HEATR9: variants seen among roughly 807,000 people sequenced by gnomAD.
The protein encoded by HEATR9 is HEAT repeat containing 9, also known as protein HEATR9.
In HEATR9, 54 loss-of-function variants were observed where a neutral mutation model predicts 68.2. The ratio of observed to expected loss-of-function variants is 0.79; its 90% confidence interval spans 0.64 to 0.99. HEATR9 has a LOEUF of 0.99. Among genes scored for constraint, HEATR9 ranks in the 50% least tolerant of loss-of-function variants. HEATR9 has a pLI of 0.00. For missense variants in HEATR9, 662 were observed against 679.7 expected (o/e 0.97, Z 0.29); for synonymous variants, 241 against 253.5 (o/e 0.95, Z 0.47).
At position 35,867,428 on chromosome 17, in the gene HEATR9, CAAAAAAA is replaced by C. The variant is rs11315915; in HGVS notation, c.89-662_89-656del. On this transcript the variant is annotated intron_variant, in intron 1 of 14. Transcript: ENST00000604834. ...CCAGCCTGGGTAACAGAGCAAGACT[CAAAAAAA>C]AAAAAAAAAAAAAAAAAAAAAGAGA... Among the ~76,000 whole-genome samples the C allele has an allele frequency of 1.2e-3, 47 of 40,080 alleles. 1 individual carries two copies. Among genetic ancestry groups the C allele is most frequent in the East Asian group, 7.4e-3 (7 of 952 alleles). The allele number at this position is 40,080 out of a possible 152,430, so 26.3% of individuals were successfully genotyped here.
chr17:35,865,186 A>T (rs1568328017), intron 3 of HEATR9, 29 bp downstream of exon 3: 1 of 1,602,056 alleles, frequency 6.2e-7, no homozygotes, highest in Admixed American at 1.7e-5. Flanking sequence ...GTGGAGGGTG[A>T]GAAGAATATG....
intron 3 of HEATR9, 80 bp from the exon 4 acceptor site, chr17:35,864,970 G>T: frequency 1.3e-6 from 2 of 1,561,410 alleles, no homozygotes; most frequent in Non-Finnish European, 1.8e-6. Flanking sequence ...CTGCCACAGG[G>T]CTACAGCCCA....
At chr17:35,861,368 T>C in intron 8 of HEATR9, 2 of 1,580,882 alleles carry the variant, frequency 1.3e-6, no homozygotes, top group Non-Finnish European at 1.7e-6. Flanking sequence ...TCAAATGAAT[T>C]ATCCACTGTA....
In HEATR9 at chr17:35,855,846, TAG is replaced by T. The variant is rs2087752060; in HGVS notation, c.1279-98_1279-97del. 8 of 1,037,934 alleles carry T rather than the reference TAG, an allele frequency of 7.7e-6. 1 individual carries two copies. The South Asian group carries it at 7.7e-5, about 10-fold the overall frequency. 64.3% of individuals were successfully genotyped at this position (1,037,934 alleles called of 1,614,324 possible). ...AGCCCCTTTGTGAGACTCTGCAGCATAGAGAGGGGGGAGATAGGGTTTCCCAG... is the reference window on the plus strand; with the variant it reads ...AGCCCCTTTGTGAGACTCTGCAGCATAGAGGGGGGAGATAGGGTTTCCCAG... On this transcript the variant is annotated intron_variant, in intron 13 of 14. Coordinates refer to ENST00000604834, the MANE Select transcript of HEATR9 (RefSeq NM_152781.4).
chr17:35,858,646 T>C (rs1481586825), intron 9 of HEATR9, 121 bp from the exon 10 acceptor site: 7 of 940,818 alleles, frequency 7.4e-6, no homozygotes, highest in Non-Finnish European at 1.1e-5. Context: ...TTCTGCCTCT[T>C]CGCCTCTTGA....
In HEATR9 at chr17:35,864,807, GA is replaced by G. The variant is rs750234817; in HGVS notation, c.403del (p.Ser135ProfsTer4). 1.2e-5 allele frequency: 20 copies of G among 1,614,060 alleles called. No homozygotes were observed. The South Asian group carries it at 1.9e-4, about 15-fold the overall frequency. On this transcript the variant is annotated frameshift_variant, in exon 4 of 15. Transcript: ENST00000604834. LOFTEE classifies it high-confidence loss of function. ...SKLTIKSEMR[S>X]RPLEPTQDPL... The stretch of plus-strand genomic sequence containing the variant: ...GTCCTGGGTAGGCTCTAAGGGCCTG[GA>G]TCGCATCTCAGATTTTATAGTCAGC...
chr17:35,863,277 G>T, intron 7 of HEATR9, 152 bp from the exon 8 acceptor site: 1 of 1,119,944 alleles, frequency 8.9e-7, no homozygotes, highest in Non-Finnish European at 1.3e-6. Flanking sequence ...AGGGCAGCTG[G>T]CTGAATGTGA....
In HEATR9 at chr17:35,855,381, T is replaced by C. The variant is rs760828125; in HGVS notation, c.1395A>G (p.Ser465=). ...GCTTGTTTTGGATCCAGGGATCAAT[T>C]GAGGCACAAAGGATTAATGTTTCTT... ...SLQETLILCA[S]IDPWIQNKLK... Residue 465 remains serine (S), a synonymous_variant, in exon 15 of 15, where the codon TCA becomes TCG. Coordinates refer to ENST00000604834, the MANE Select transcript of HEATR9 (RefSeq NM_152781.4). 1 of 1,613,928 alleles carries C rather than the reference T, an allele frequency of 6.2e-7. No homozygotes were observed. The highest frequency in any genetic ancestry group is 1.1e-5 in the South Asian group (1 of 91,074).
intron 12 of HEATR9, among the ~76,000 whole-genome samples, chr17:35,856,528 C>T (rs368622405): frequency 6.6e-6 from 1 of 152,252 alleles, no homozygotes; most frequent in East Asian, 1.9e-4. Context: ...GGTATTATTA[C>T]TCTTTCTTTA....
intron 6 of HEATR9, chr17:35,863,881 A>G (rs937369293): frequency 3.7e-6 from 2 of 545,288 alleles, no homozygotes; most frequent in Non-Finnish European, 6.5e-6. Context: ...TAAGAGTTAA[A>G]TGAGATTATG....
At chr17:35,863,255 TC>T in intron 7 of HEATR9, 130 bp from the exon 8 acceptor site, 1 of 1,263,506 alleles carries the variant, frequency 7.9e-7, no homozygotes. Context: ...TTGCTCATCT[TC>T]CCAGGATACC....
Position 35,858,937 on chromosome 17 carries a change from T to C in HEATR9, c.890A>G (p.Glu297Gly). ...FLRPCSNMVQ[E>G]FLLQCLCQGL... ...TTGGCACAGGCACTGCAACAAGAAC[T>C]CTTGGACCATGTTGCTGCAAGGCCT... Residue 297 changes from glutamate (E) to glycine (G), a missense_variant, in exon 9 of 15, where the codon GAG (glutamate) becomes GGG (glycine). Coordinates refer to ENST00000604834, the MANE Select transcript of HEATR9 (RefSeq NM_152781.4). The C allele has an allele frequency of 6.2e-7, 1 of 1,614,160 alleles. No homozygotes were observed. The highest frequency in any genetic ancestry group is 8.5e-7 in the Non-Finnish European group (1 of 1,180,032).
intron 14 of HEATR9, 84 bp downstream of exon 14, chr17:35,855,580 G>A: frequency 7.1e-7 from 1 of 1,406,314 alleles, no homozygotes; most frequent in African/African-American, 1.4e-5. Context: ...CTCCTGACAA[G>A]GAGCAAATGG....
In HEATR9 at chr17:35,868,701, C is replaced by T. The variant is rs767358313; in HGVS notation, c.42G>A (p.Arg14=). ...EKSTDISDVS[R]SMFLYPWLEY... ...CCAGCCATGGGTACAGGAACATTGA[C>T]CTGGAGACATCAGAGATATCAGTTG... is the stretch of plus-strand genomic sequence containing the variant. The change falls in exon 1 of 15, where the codon AGG becomes AGA. Residue 14 remains arginine, a synonymous_variant. Coordinates refer to ENST00000604834, the MANE Select transcript of HEATR9 (RefSeq NM_152781.4). 1.2e-6 allele frequency: 2 copies of T among 1,614,202 alleles called. No individual in the cohort carries two copies. Among genetic ancestry groups the T allele is most frequent in the South Asian group, 2.2e-5 (2 of 91,082 alleles).
At position 35,864,514 on chromosome 17, in the gene HEATR9, G is replaced by A; in HGVS notation, c.493C>T (p.Gln165Ter). 1.9e-6 allele frequency: 3 copies of A among 1,614,070 alleles called. No individual in the cohort carries two copies. Among genetic ancestry groups the A allele is most frequent in the Non-Finnish European group, 2.5e-6 (3 of 1,179,986 alleles). ...CTTCTCACCTGTGCTGCATAGAACT[G>A]CTCATCCTCTCTGGGAGATTCCAGG... ...KSLESPREDE[Q>*]FYAAQALGCL... is the part of the protein sequence containing the mutation. Residue 165 changes from glutamine to a stop codon, truncating the protein, a stop_gained, in exon 5 of 15, where the codon CAG becomes TAG. Coordinates refer to ENST00000604834, the MANE Select transcript of HEATR9 (RefSeq NM_152781.4). LOFTEE classifies it high-confidence loss of function.
intron 11 of HEATR9, among the ~76,000 whole-genome samples, chr17:35,857,563 TC>T (rs1419463942): frequency 6.6e-6 from 1 of 152,074 alleles, no homozygotes; most frequent in African/African-American, 2.4e-5. Flanking sequence ...ATCGAGCCCA[TC>T]CTGGCTAACA....
intron 2 of HEATR9, among the ~76,000 whole-genome samples, chr17:35,866,425 A>G (rs2088200420): frequency 6.6e-6 from 1 of 152,234 alleles, no homozygotes; most frequent in Non-Finnish European, 1.5e-5. Flanking sequence ...GAGGGTTGCT[A>G]ACTGTCCCTG....
intron 8 of HEATR9, 34 bp from the exon 9 acceptor site, chr17:35,859,104 C>A: frequency 6.3e-7 from 1 of 1,586,436 alleles, no homozygotes; most frequent in South Asian, 1.1e-5. Context: ...AGGGGAGGGG[C>A]TATGTACTTT....
Position 35,868,756 on chromosome 17 carries a change from T to C in HEATR9, c.-14A>G, listed in dbSNP as rs757924444. ...TTCATAGGCCATCTTCTTCTCCTGG[T>C]GGGGCCAGAGGGAACCTGCAGGGGG... is the stretch of plus-strand genomic sequence containing the variant. On this transcript the variant is annotated 5_prime_UTR_variant, in exon 1 of 15. Coordinates refer to ENST00000604834, the MANE Select transcript of HEATR9 (RefSeq NM_152781.4). The C allele has an allele frequency of 1.9e-6, 3 of 1,613,556 alleles. No individual in the cohort carries two copies. Among genetic ancestry groups the C allele is most frequent in the Non-Finnish European group, 2.5e-6 (3 of 1,179,714 alleles).
Sources: gnomAD v4.1 joint callset for allele counts (sites outside exome capture counted in the v4.1 genomes callset) on GRCh38, gnomAD v4.1.1 for gene constraint, MANE v1.5 for transcripts, NCBI Gene and HGNC (gene_info 2026-07-23, HGNC 2026-07-21) for gene names.